TRPV3: variants seen among roughly 807,000 people sequenced by gnomAD.
The protein encoded by TRPV3 is VRL-3.
A neutral mutation model predicts 87.1 loss-of-function variants in TRPV3; 88 were observed. The observed-to-expected ratio is 1.01, with a 90% CI of 0.85 to 1.21. TRPV3 has a LOEUF of 1.21. Among genes scored for constraint, TRPV3 ranks in the 50% most tolerant of loss-of-function variants. The probability of loss-of-function intolerance (pLI) is 0.00; values close to 1 mark genes in which losing one functional copy is unlikely to be tolerated. For synonymous variants in TRPV3, 438 were observed against 423.3 expected (o/e 1.03, Z -0.43); for missense variants, 1,054 against 1,030.1 (o/e 1.02, Z -0.32).
Position 3,513,808 on chromosome 17 carries a change from G to A in TRPV3, c.*109C>T. 2 of 921,838 alleles carry A rather than the reference G, an allele frequency of 2.2e-6. No individual in the cohort carries two copies. Among genetic ancestry groups the A allele is most frequent in the Non-Finnish European group, 3.4e-6 (2 of 581,474 alleles). 57.1% of individuals were successfully genotyped at this position (921,838 alleles called of 1,614,324 possible). On this transcript the variant is annotated 3_prime_UTR_variant, in exon 18 of 18. Transcript: ENST00000576742. ...AGCACGAGGGTGCACTCTGCTTCTA[G>A]GCCAGCAGAGCCGGACTCCACCATC...
intron 2 of TRPV3, chr17:3,552,984 A>G (rs575169648): frequency 6.6e-6 from 1 of 152,328 alleles, no homozygotes; most frequent in Admixed American, 6.5e-5. Context: ...GCCTTCCAAG[A>G]TGGAGCCTCC....
chr17:3,532,591 T>C, intron 8 of TRPV3, 66 bp downstream of exon 8: 1 of 1,573,092 alleles, frequency 6.4e-7, no homozygotes, highest in Non-Finnish European at 8.6e-7. Flanking sequence ...CCCCCGGGGC[T>C]GAGAGGGTGG....
intron 11 of TRPV3, chr17:3,527,676 G>A (rs149030581): frequency 5.3e-4 from 176 of 329,758 alleles, no homozygotes; most frequent in African/African-American, 3.5e-3. Flanking sequence ...AAGGATGGTC[G>A]GTAAGGATGA....
In TRPV3 at chr17:3,532,665, T is replaced by C; in HGVS notation, c.1057A>G (p.Lys353Glu). 6.2e-7 allele frequency: 1 copy of C among 1,614,108 alleles called. No individual in the cohort carries two copies. Among genetic ancestry groups the C allele is most frequent in the Non-Finnish European group, 8.5e-7 (1 of 1,180,010 alleles). Residue 353 changes from lysine (K) to glutamate (E), a missense_variant, in exon 8 of 18, where the codon AAG becomes GAG. By Grantham distance (56) the Lys-to-Glu change is moderately conservative (BLOSUM62 1). Transcript: ENST00000576742. Reference sequence around the variant, plus strand: ...ACGCCCCATGGCCCCACCTCCGCCTTGCCCATCTTGGCGGCCAGCTGCAGC... The same window carrying C: ...ACGCCCCATGGCCCCACCTCCGCCTCGCCCATCTTGGCGGCCAGCTGCAGC... Reference protein sequence around the residue: ...TPLQLAAKMGKAEILKYILSR... With the variant: ...TPLQLAAKMGEAEILKYILSR...
chr17:3,545,034 TAAA>T, intron 3 of TRPV3, 130 bp downstream of exon 3: 3 of 588,072 alleles, frequency 5.1e-6, no homozygotes, highest in Non-Finnish European at 6.0e-6. Flanking sequence ...ATAATAATAA[TAAA>T]GTTTTATAAT....
At position 3,530,346 on chromosome 17, in the gene TRPV3, C is replaced by T. The variant is rs1367926825; in HGVS notation, c.1066-143G>A. On this transcript the variant is annotated intron_variant, in intron 8 of 17. Transcript: ENST00000576742. The surrounding 1 kb of genome is among the most constrained non-coding windows in gnomAD (Gnocchi z 4.0). ...CCTGCCTCTGCGCCTGGCGCCATGG[C>T]CCCTGGGCCCCGTCTTTATCTGTGG... 2.8e-6 allele frequency: 2 copies of T among 725,414 alleles called. No homozygotes were observed. Among genetic ancestry groups the T allele is most frequent in the Non-Finnish European group, 4.4e-6 (2 of 458,268 alleles). The allele number at this position is 725,414 out of a possible 1,614,324, so 44.9% of individuals were successfully genotyped here. A position where few individuals can be genotyped will look rare whatever the true frequency, so the allele number is the denominator to read the frequency against.
chr17:3,532,050 A>G (rs1045641574), intron 8 of TRPV3, among the ~76,000 whole-genome samples: 1 of 152,244 alleles, frequency 6.6e-6, no homozygotes, highest in African/African-American at 2.4e-5. Context: ...TCCCCTGAGA[A>G]GAACATCTCA....
chr17:3,527,021 G>A (rs1254618605), intron 11 of TRPV3, 94 bp from the exon 12 acceptor site: 5 of 1,012,620 alleles, frequency 4.9e-6, no homozygotes, highest in Non-Finnish European at 7.5e-6. Flanking sequence ...AAGACTCAGT[G>A]AGGGTTGAAT....
At chr17:3,527,106 C>T (rs1431943585) in intron 11 of TRPV3, among the ~76,000 whole-genome samples, 179 bp from the exon 12 acceptor site, 3 of 152,132 alleles carry the variant, frequency 2.0e-5, no homozygotes, top group African/African-American at 7.2e-5. Context: ...GGCACCTCCA[C>T]GGTGAAGGTG....
At chr17:3,520,867 G>A (rs2074238837) in intron 14 of TRPV3, 106 bp downstream of exon 14, 2 of 604,952 alleles carry the variant, frequency 3.3e-6, no homozygotes, top group Admixed American at 2.7e-5. Flanking sequence ...GTGCCCCACT[G>A]GTAGTTGGTC....
rs886340890 is a variant in TRPV3, at chr17:3,555,336, G to T, written c.-2-484C>A. ...TGATGAGCAGCTCTCCAAGAGTTTT[G>T]ACCTCCACAGAGCAAGATTATCACC... On this transcript the variant is annotated intron_variant, in intron 1 of 17. Coordinates refer to ENST00000576742, the MANE Select transcript of TRPV3 (RefSeq NM_145068.4). 3.6e-4 allele frequency among the ~76,000 whole-genome samples: 55 copies of T among 152,208 alleles called. 2 individuals carry two copies. Among genetic ancestry groups the T allele is most frequent in the South Asian group, 2.1e-4 (1 of 4,830 alleles).
chr17:3,517,672 T>A (rs2074195610), intron 15 of TRPV3, among the ~76,000 whole-genome samples: 1 of 150,582 alleles, frequency 6.6e-6, no homozygotes, highest in Non-Finnish European at 1.5e-5. Context: ...AACTTCCATG[T>A]GTGACATCAA....
In TRPV3 at chr17:3,535,625, G is replaced by A. The variant is rs754265897; in HGVS notation, c.732C>T (p.His244=). 19 of 1,609,326 alleles carry A rather than the reference G, an allele frequency of 1.2e-5. No individual in the cohort carries two copies. In the South Asian group the frequency reaches 2.0e-4, roughly 17 times the overall value. ...LIAAGADVNA[H]AKGAFFNPKY... The stretch of plus-strand genomic sequence containing the variant: ...TGGGGTTGAAGAAGGCCCCCTTGGC[G>A]TGCGCGTTGACGTCGGCGCCGGCGG... The change falls in exon 7 of 18, where the codon CAC becomes CAT. Residue 244 remains histidine (H), a synonymous_variant. Transcript: ENST00000576742.
intron 6 of TRPV3, among the ~76,000 whole-genome samples, chr17:3,538,895 CTT>C (rs2074432577): frequency 6.6e-6 from 1 of 152,250 alleles, no homozygotes; most frequent in East Asian, 1.9e-4. Flanking sequence ...ACTATTATAA[CTT>C]TAAATATGCA....
chr17:3,545,330 G>T, intron 2 of TRPV3, 59 bp from the exon 3 acceptor site: 2 of 1,329,694 alleles, frequency 1.5e-6, no homozygotes, highest in Non-Finnish European at 1.1e-6. Context: ...GTCTGCCTGT[G>T]TCCTGCCTCC....
intron 2 of TRPV3, among the ~76,000 whole-genome samples, chr17:3,551,499 C>T (rs1251478896): frequency 6.6e-6 from 1 of 152,206 alleles, no homozygotes; most frequent in Non-Finnish European, 1.5e-5. Flanking sequence ...GAGCAGATAG[C>T]TCTATACCAT....
chr17:3,550,055 ATGAT>A (rs1040649266), intron 2 of TRPV3, among the ~76,000 whole-genome samples: 16 of 149,374 alleles, frequency 1.1e-4, no homozygotes, highest in Admixed American at 3.3e-4. Flanking sequence ...GGGTGAATAA[ATGAT>A]GGATGGATGG....
At chr17:3,531,679 G>T (rs1408762788) in intron 8 of TRPV3, among the ~76,000 whole-genome samples, 2 of 152,192 alleles carry the variant, frequency 1.3e-5, no homozygotes, top group Non-Finnish European at 2.9e-5. Flanking sequence ...CTTGGAGAAG[G>T]CTCCTTCTGC....
At chr17:3,519,422 T>TGATTGGATGGATGGATGGATGGA (rs143820760) in intron 14 of TRPV3, among the ~76,000 whole-genome samples, 3 of 111,282 alleles carry the variant, frequency 2.7e-5, no homozygotes, top group East Asian at 6.4e-4. Context: ...GGATGGATGA[T>TGATTGGATGGATGGATGGATGGA]TGGATGGATG....
Sources: allele counts gnomAD v4.1 joint callset (sites outside exome capture counted in the v4.1 genomes callset), GRCh38; gene constraint gnomAD v4.1.1; non-coding constraint Gnocchi (gnomAD v3.1); transcripts MANE v1.5; gene names NCBI Gene and HGNC (gene_info 2026-07-23, HGNC 2026-07-21).